ZBTB4: variants seen among roughly 807,000 people sequenced by gnomAD.
ZBTB4 encodes the protein zinc finger and BTB domain-containing protein 4.
ZBTB4 carries 14 observed loss-of-function variants against 59.8 expected under a neutral mutation model. That is an observed-to-expected ratio of 0.23 (90% CI 0.15 to 0.37). ZBTB4 has a LOEUF of 0.37. ZBTB4 is among the 10% of genes least tolerant of loss of function. The pLI is 1.00. For missense variants in ZBTB4, 1,198 were observed against 1,380.8 expected (o/e 0.87, Z 2.10); for synonymous variants, 587 against 575.2 (o/e 1.02, Z -0.29).
chr17:7,474,947 G>A (rs1439408367), intron 1 of ZBTB4, among the ~76,000 whole-genome samples: 1 of 151,094 alleles, frequency 6.6e-6, no homozygotes, highest in Non-Finnish European at 1.5e-5. Context: ...GGGAGGTGGC[G>A]GTTGCAGCGA....
At chr17:7,464,804 CTCCA>C in intron 3 of ZBTB4, among the ~76,000 whole-genome samples, 1 of 150,010 alleles carries the variant, frequency 6.7e-6, no homozygotes, top group South Asian at 2.1e-4. Flanking sequence ...CGCCACTGCA[CTCCA>C]GCCTGGGGGA....
chr17:7,472,027 G>C (rs1302738690), intron 1 of ZBTB4, among the ~76,000 whole-genome samples: 2 of 152,100 alleles, frequency 1.3e-5, no homozygotes, highest in South Asian at 2.1e-4. Flanking sequence ...CCTCTGGCTG[G>C]AATGTTCTTT....
chr17:7,463,495 G>T lies in ZBTB4; in HGVS notation c.1487C>A (p.Thr496Lys). 1 of 1,547,786 alleles carries T rather than the reference G, an allele frequency of 6.5e-7. No individual in the cohort carries two copies. The highest frequency in any genetic ancestry group is 2.0e-5 in the Admixed American group (1 of 49,980). Residue 496 changes from threonine to lysine, a missense_variant, in exon 4 of 4, where the codon ACG (threonine) becomes AAG (lysine). By Grantham distance (78) the Thr-to-Lys change is moderately conservative. This residue lies in a region of ZBTB4 where 550 missense variants were observed against 541.8 expected (regional missense o/e 1.02). Transcript: ENST00000380599. ...GSSSGGGGSG[T>K]ASTGGSQAAS... ...AGCTTGGGACCCTCCTGTGCTGGCC[G>T]TCCCACTCCCCCCTCCACCACTGCT...
In ZBTB4 at chr17:7,465,904, C is replaced by A. The variant is rs764766932; in HGVS notation, c.898G>T (p.Val300Leu). The change falls in exon 3 of 4, where the codon GTG (valine) becomes TTG (leucine). Residue 300 changes from valine to leucine, a missense_variant. By Grantham distance (32) the Val-to-Leu change is conservative (BLOSUM62 1). Coordinates refer to ENST00000380599, the MANE Select transcript of ZBTB4 (RefSeq NM_001128833.2). Reference sequence around the variant, plus strand: ...AGCACGTGGCCGCCCACCACCTTCACCACGTGCTCGGGGCCCCCTCGGAAG... The same window carrying A: ...AGCACGTGGCCGCCCACCACCTTCAACACGTGCTCGGGGCCCCCTCGGAAG... ...VGFRGGPEHV[V>L]KVVGGHVLYV... 6.2e-7 allele frequency: 1 copy of A among 1,612,654 alleles called. No homozygotes were observed. Among genetic ancestry groups the A allele is most frequent in the South Asian group, 1.1e-5 (1 of 91,060 alleles).
At chr17:7,482,038 G>A (rs372302880), upstream of ZBTB4, 96 of 1,612,342 alleles carry the variant, frequency 6.0e-5, no homozygotes, top group Middle Eastern at 3.3e-4. Context: ...ACCCATCGCC[G>A]CCCTCCGCTC....
At chr17:7,484,032 T>TTG (rs2070381312), upstream of ZBTB4, 1 of 29,800 alleles carries the variant, frequency 3.4e-5, no homozygotes, top group African/African-American at 8.7e-5. Flanking sequence ...ATTTTCCAGC[T>TTG]GGGGGGGGCT....
chr17:7,465,883 C>G lies in ZBTB4; in HGVS notation c.919G>C (p.Val307Leu). 2 of 1,613,806 alleles carry G rather than the reference C, an allele frequency of 1.2e-6. No individual in the cohort carries two copies. Among genetic ancestry groups the G allele is most frequent in the South Asian group, 1.1e-5 (1 of 91,078 alleles). The change falls in exon 3 of 4, where the codon GTG (valine) becomes CTG (leucine). Residue 307 changes from valine (V) to leucine (L), a missense_variant. By Grantham distance (32) the Val-to-Leu change is conservative. Coordinates refer to ENST00000380599, the MANE Select transcript of ZBTB4 (RefSeq NM_001128833.2). ...EHVVKVVGGH[V>L]LYVCAACERS... ...TCGCAGGCCGCGCACACATACAGCA[C>G]GTGGCCGCCCACCACCTTCACCACG...
At chr17:7,464,144 T>C (rs969876148) in intron 3 of ZBTB4, among the ~76,000 whole-genome samples, 15 of 152,142 alleles carry the variant, frequency 9.9e-5, no homozygotes, top group African/African-American at 3.6e-4. Flanking sequence ...CAAGCCCAAA[T>C]GGCAGAATGG....
upstream of ZBTB4, among the ~76,000 whole-genome samples, chr17:7,483,671 C>G (rs1242531195): frequency 6.6e-6 from 1 of 152,200 alleles, no homozygotes; most frequent in African/African-American, 2.4e-5. Context: ...ACTTTCGTGG[C>G]CCGCCCCATG....
chr17:7,477,842 G>T (rs1212883824), intron 1 of ZBTB4, among the ~76,000 whole-genome samples: 5 of 152,124 alleles, frequency 3.3e-5, no homozygotes, highest in Non-Finnish European at 5.9e-5. Flanking sequence ...CTCTGTCTAA[G>T]CTTACTTCCC....
chr17:7,470,006 C>T (rs1031896607), intron 1 of ZBTB4, among the ~76,000 whole-genome samples: 4 of 151,964 alleles, frequency 2.6e-5, no homozygotes, highest in Non-Finnish European at 4.4e-5. Context: ...CACTTGAATC[C>T]GGGAGGCGGA....
At position 7,459,835 on chromosome 17, in the gene ZBTB4, T is replaced by C. The variant is rs181567261; in HGVS notation, c.*2105A>G. 1.1e-4 allele frequency: 17 copies of C among 152,708 alleles called. No homozygotes were observed. Among genetic ancestry groups the C allele is most frequent in the African/African-American group, 3.8e-4 (16 of 41,568 alleles). 9.5% of individuals were successfully genotyped at this position (152,708 alleles called of 1,614,324 possible). ...AAAAAATGTCCATGGTTTTGGAATTTTGACCTATTCTGAAGTTCCAATTCT... is the reference window on the plus strand; with the variant it reads ...AAAAAATGTCCATGGTTTTGGAATTCTGACCTATTCTGAAGTTCCAATTCT... On this transcript the variant is annotated 3_prime_UTR_variant, in exon 4 of 4. Coordinates refer to ENST00000380599, the MANE Select transcript of ZBTB4 (RefSeq NM_001128833.2).
chr17:7,473,724 T>C (rs1358012067), intron 1 of ZBTB4, among the ~76,000 whole-genome samples: 1 of 151,926 alleles, frequency 6.6e-6, no homozygotes, highest in Non-Finnish European at 1.5e-5. Context: ...AATTTTTGTA[T>C]TTTTTGTAGA....
Position 7,463,205 on chromosome 17 carries a change from A to G in ZBTB4, c.1777T>C (p.Ser593Pro), listed in dbSNP as rs1403942086. 4 of 1,608,930 alleles carry G rather than the reference A, an allele frequency of 2.5e-6. No homozygotes were observed. In the South Asian group the frequency reaches 4.4e-5, roughly 18 times the overall value. ...AGTGGAGGTGGAGCCTGCAGCTGAG[A>G]GGGGCCCCGGCCAGCCCCTGTGGGG... ...GPPTGAGRGP[S>P]QLQAPPPLCQ... The change falls in exon 4 of 4, where the codon TCT (serine) becomes CCT (proline). Residue 593 changes from serine to proline, a missense_variant. Ser to Pro is a moderately conservative substitution (Grantham distance 74). Around this residue, in one of 9 missense-constraint regions of ZBTB4, gnomAD observed 550 missense variants for 541.8 expected, o/e 1.02. Transcript: ENST00000380599.
At position 7,466,236 on chromosome 17, in the gene ZBTB4, G is replaced by A. The variant is rs1304240741; in HGVS notation, c.566C>T (p.Thr189Ile). ...CTGCGAGGTGGCCATGGGGGCTGGG[G>A]TAGGAGGTACCCAGGCATCACCTCC... ...GEGGDAWVPP[T>I]PAPMATSQPE... The change falls in exon 3 of 4, where the codon ACC becomes ATC. Residue 189 changes from threonine to isoleucine, a missense_variant. By Grantham distance (89) the Thr-to-Ile change is moderately conservative. Transcript: ENST00000380599. This position sits in a 1 kb window ranked among gnomAD's most constrained non-coding sequence, Gnocchi z 9.1. 6.2e-7 allele frequency: 1 copy of A among 1,613,454 alleles called. No homozygotes were observed. The highest frequency in any genetic ancestry group is 1.7e-5 in the Admixed American group (1 of 60,020).
chr17:7,469,843 G>A (rs956344124), intron 1 of ZBTB4, among the ~76,000 whole-genome samples: 13 of 152,064 alleles, frequency 8.5e-5, no homozygotes, highest in African/African-American at 3.1e-4. Flanking sequence ...TAGCAGTTTG[G>A]GAGGCAGAGG....
upstream of ZBTB4, chr17:7,482,072 T>C (rs759214808): frequency 6.2e-7 from 1 of 1,614,110 alleles, no homozygotes; most frequent in Non-Finnish European, 8.5e-7. Flanking sequence ...CTGGCACCAG[T>C]GCTGCCAGCC....
chr17:7,481,717 A>G (rs1433341854), upstream of ZBTB4, among the ~76,000 whole-genome samples: 1 of 152,176 alleles, frequency 6.6e-6, no homozygotes, highest in African/African-American at 2.4e-5. Flanking sequence ...TCAATCCGAG[A>G]GAGCATCCTG....
In ZBTB4 at chr17:7,463,115, G is replaced by A; in HGVS notation, c.1867C>T (p.Leu623=). The A allele has an allele frequency of 6.2e-7, 1 of 1,609,970 alleles. No homozygotes were observed. ...TCTCCGCTCAGCTCCCCAGGACGCA[G>A]GTCAGTCTCTGAGATGCGGCGCTTG... The part of the protein sequence containing the change: ...IVKRRISETD[L]RPGELSGEEM... Residue 623 remains leucine (L), a synonymous_variant, in exon 4 of 4, where the codon CTG becomes TTG. Coordinates refer to ENST00000380599, the MANE Select transcript of ZBTB4 (RefSeq NM_001128833.2).
Sources: allele counts gnomAD v4.1 joint callset (sites outside exome capture counted in the v4.1 genomes callset), GRCh38; gene constraint gnomAD v4.1.1; regional missense constraint gnomAD v4.1.1; non-coding constraint Gnocchi (gnomAD v3.1); transcripts MANE v1.5; gene names NCBI Gene and HGNC (gene_info 2026-07-23, HGNC 2026-07-21).